Variants in ANKRD22 observed in about 807,000 individuals in gnomAD.
The protein encoded by ANKRD22 is ankyrin repeat domain 22, also known as ankyrin repeat domain-containing protein 22.
ANKRD22 carries 24 observed loss-of-function variants against 25.7 expected under a neutral mutation model. The ratio of observed to expected loss-of-function variants is 0.93; its 90% confidence interval spans 0.68 to 1.31. The LOEUF (loss-of-function observed/expected upper bound fraction) is 1.31, where lower values mean the gene tolerates loss of function less well. Ranked by LOEUF, ANKRD22 falls within the 50% of genes most tolerant of loss-of-function variation. The pLI is 0.00. For missense variants in ANKRD22, 214 were observed against 227.1 expected (o/e 0.94, Z 0.37); for synonymous variants, 84 against 84.3 (o/e 1.00, Z 0.02).
At chr10:88,842,290 A>T (rs993576979) in intron 1 of ANKRD22, among the ~76,000 whole-genome samples, 4 of 152,098 alleles carry the variant, frequency 2.6e-5, no homozygotes, top group African/African-American at 9.7e-5. Context: ...CAAAAATAAT[A>T]TTATCCCTCT....
chr10:88,851,553 T>A, intron 1 of ANKRD22, 34 bp downstream of exon 1: 1 of 1,611,728 alleles, frequency 6.2e-7, no homozygotes, highest in Non-Finnish European at 8.5e-7. Context: ...ACTTTTAACA[T>A]CTTTGGAACT....
At chr10:88,842,651 A>C (rs1214561) in intron 1 of ANKRD22, among the ~76,000 whole-genome samples, 59,750 of 151,582 alleles carry the variant, frequency 0.39, 12,827 homozygotes, top group African/African-American at 0.57. Context: ...TTATACGACA[A>C]ACCTTCCCAA....
In ANKRD22 at chr10:88,822,891, G is replaced by T; in HGVS notation, c.*50C>A. 1.3e-6 allele frequency: 2 copies of T among 1,517,988 alleles called. No individual in the cohort carries two copies. The highest frequency in any genetic ancestry group is 1.1e-5 in the South Asian group (1 of 87,586). The allele number at this position is 1,517,988 out of a possible 1,614,324, so 94.0% of individuals were successfully genotyped here. A position where few individuals can be genotyped will look rare whatever the true frequency, so the allele number is the denominator to read the frequency against. On this transcript the variant is annotated 3_prime_UTR_variant, in exon 6 of 6. Transcript: ENST00000371930. The stretch of plus-strand genomic sequence containing the variant: ...AGACCAAAAGTCTAAAATGAAGATA[G>T]AATCCAGTCGTTAACTTTTTCTGTA...
intron 3 of ANKRD22, 74 bp downstream of exon 3, chr10:88,828,485 T>C (rs1445414402): frequency 2.7e-6 from 3 of 1,121,518 alleles, no homozygotes; most frequent in Non-Finnish European, 3.9e-6. Flanking sequence ...AACATCTCAC[T>C]GGCCTGGCAA....
chr10:88,822,544 C>CTTTTTTTT lies in ANKRD22; in HGVS notation c.*389_*396dup, dbSNP rs35912078. ...AAAGACTGAGTTTGGAACACCAGGGCTTTTTTTTTTTTTTTTTTTTTTGAG... is the reference window on the plus strand; with the variant it reads ...AAAGACTGAGTTTGGAACACCAGGGCTTTTTTTTTTTTTTTTTTTTTTTTTTTTTTGAG... On this transcript the variant is annotated 3_prime_UTR_variant, in exon 6 of 6. Transcript: ENST00000371930. The CTTTTTTTT allele has an allele frequency of 0.026, 946 of 36,376 alleles. 308 individuals are homozygous for CTTTTTTTT. The highest frequency in any genetic ancestry group is 0.091 in the Middle Eastern group (2 of 22). The allele number at this position is 36,376 out of a possible 1,614,324, so 2.3% of individuals were successfully genotyped here.
intron 1 of ANKRD22, among the ~76,000 whole-genome samples, chr10:88,839,812 C>T (rs1008003404): frequency 2.8e-4 from 43 of 152,266 alleles, no homozygotes; most frequent in African/African-American, 8.2e-4. Flanking sequence ...GACAATATTT[C>T]GCCTCAGTGG....
At chr10:88,837,033 C>T (rs531633416) in intron 1 of ANKRD22, among the ~76,000 whole-genome samples, 2 of 152,188 alleles carry the variant, frequency 1.3e-5, no homozygotes, top group East Asian at 3.9e-4. Context: ...AGTGAAAAAG[C>T]TGTTAGGGAA....
rs1396421142 is a variant in ANKRD22 at position 88,822,658 on chromosome 10, C to T, written c.*283G>A. 5 of 227,718 alleles carry T rather than the reference C, an allele frequency of 2.2e-5. No individual in the cohort carries two copies. Among genetic ancestry groups the T allele is most frequent in the Admixed American group, 5.6e-5 (1 of 17,934 alleles). 14.1% of individuals were successfully genotyped at this position (227,718 alleles called of 1,614,324 possible). ...TCAGCCTCCCAAGTAGCTGGGATTA[C>T]AGGCATGTACCACTGTGCCTAGCTG... On this transcript the variant is annotated 3_prime_UTR_variant, in exon 6 of 6. Transcript: ENST00000371930.
intron 1 of ANKRD22, among the ~76,000 whole-genome samples, chr10:88,838,089 T>C (rs1011001669): frequency 5.3e-5 from 8 of 152,212 alleles, no homozygotes; most frequent in African/African-American, 9.6e-5. Context: ...CAAGGGTAGA[T>C]GAGACTTTTG....
At chr10:88,837,323 C>T (rs1843963458) in intron 1 of ANKRD22, among the ~76,000 whole-genome samples, 1 of 152,156 alleles carries the variant, frequency 6.6e-6, no homozygotes, top group Admixed American at 6.5e-5. Flanking sequence ...AGATCTGAGT[C>T]ACAGTAAACC....
Position 88,821,027 on chromosome 10 carries a change from C to T in ANKRD22, c.*1914G>A, listed in dbSNP as rs1589320001. Among the ~76,000 whole-genome samples the T allele has an allele frequency of 6.6e-6, 1 of 152,268 alleles. No individual in the cohort carries two copies. The highest frequency in any genetic ancestry group is 2.1e-4 in the South Asian group (1 of 4,824). On this transcript the variant is annotated 3_prime_UTR_variant, in exon 6 of 6. Coordinates refer to ENST00000371930, the MANE Select transcript of ANKRD22 (RefSeq NM_144590.3). Reference sequence around the variant, plus strand: ...GGATGAAATCTATGTTAAGCATTCTCAGAATAAGGCCAAGTTTTATAGTTG... The same window carrying T: ...GGATGAAATCTATGTTAAGCATTCTTAGAATAAGGCCAAGTTTTATAGTTG...
intron 1 of ANKRD22, among the ~76,000 whole-genome samples, chr10:88,836,041 C>T (rs1024300678): frequency 6.6e-6 from 1 of 152,182 alleles, no homozygotes; most frequent in East Asian, 1.9e-4. Context: ...AGTCTCAGAA[C>T]CCTTCTGTCC....
At chr10:88,836,711 C>T (rs553592391) in intron 1 of ANKRD22, among the ~76,000 whole-genome samples, 1 of 152,324 alleles carries the variant, frequency 6.6e-6, no homozygotes, top group African/African-American at 2.4e-5. Context: ...ACTTGTGGCA[C>T]TGACTTGCTG....
intron 1 of ANKRD22, among the ~76,000 whole-genome samples, chr10:88,833,099 T>C (rs1843922671): frequency 6.6e-6 from 1 of 152,198 alleles, no homozygotes; most frequent in African/African-American, 2.4e-5. Flanking sequence ...TATTTAGGGC[T>C]AGCATGAATC....
intron 4 of ANKRD22, among the ~76,000 whole-genome samples, chr10:88,825,081 A>C (rs976144807): frequency 4.0e-5 from 6 of 151,522 alleles, no homozygotes; most frequent in Non-Finnish European, 8.8e-5. Flanking sequence ...CATAGGCAAA[A>C]CCGAAATGAT....
chr10:88,848,147 C>T (rs892844514), intron 1 of ANKRD22, among the ~76,000 whole-genome samples: 6 of 144,318 alleles, frequency 4.2e-5, no homozygotes, highest in African/African-American at 5.2e-5. Flanking sequence ...AACATATATG[C>T]GTGTATATAT....
At chr10:88,833,490 T>G (rs1377386398) in intron 1 of ANKRD22, among the ~76,000 whole-genome samples, 1 of 151,982 alleles carries the variant, frequency 6.6e-6, no homozygotes, top group Admixed American at 6.5e-5. Flanking sequence ...AGAAAAAAAT[T>G]TTTTGGTATG....
At chr10:88,847,840 G>A (rs1024605271) in intron 1 of ANKRD22, among the ~76,000 whole-genome samples, 1 of 151,946 alleles carries the variant, frequency 6.6e-6, no homozygotes, top group Non-Finnish European at 1.5e-5. Flanking sequence ...TGGAGGCAGA[G>A]TGGCAAATCT....
rs544257520 is a variant in ANKRD22 at position 88,835,509 on chromosome 10, G to A, written c.22-3483C>T. ...ATATGGTATAGCCTGTGGCTTCTAG[G>A]CTAAAAACCTATACAGCATGTTACT... On this transcript the variant is annotated intron_variant, in intron 1 of 5. Coordinates refer to ENST00000371930, the MANE Select transcript of ANKRD22 (RefSeq NM_144590.3). Among the ~76,000 whole-genome samples the A allele has an allele frequency of 4.6e-5, 7 of 152,288 alleles. No individual in the cohort carries two copies. The South Asian group carries it at 1.4e-3, about 32-fold the overall frequency.
Sources: allele counts gnomAD v4.1 joint callset (sites outside exome capture counted in the v4.1 genomes callset), GRCh38; gene constraint gnomAD v4.1.1; transcripts MANE v1.5; gene names NCBI Gene and HGNC (gene_info 2026-07-23, HGNC 2026-07-21).